Variants in HTR1F observed in about 807,000 individuals in gnomAD.
HTR1F encodes 5-hydroxytryptamine receptor 1F, also known as 5-hydroxytryptamine (serotonin) receptor 1F, G protein-coupled.
Under a neutral mutation model 24.0 loss-of-function variants are expected in HTR1F, and 17 were observed. The ratio of observed to expected loss-of-function variants is 0.71; its 90% CI spans 0.48 to 1.06. The LOEUF (loss-of-function observed/expected upper bound fraction) is 1.06. Among genes scored for constraint, HTR1F ranks in the 50% least tolerant of loss-of-function variants. HTR1F has a pLI of 0.00. For synonymous variants in HTR1F, 186 were observed against 156.8 expected (o/e 1.19, Z -1.39); for missense variants, 391 against 427.8 (o/e 0.91, Z 0.76).
At chr3:87,842,057 A>C (rs949676082) in intron 2 of HTR1F, among the ~76,000 whole-genome samples, 1 of 151,892 alleles carries the variant, frequency 6.6e-6, no homozygotes, top group Non-Finnish European at 1.5e-5. Context: ...ATTGGAAAAG[A>C]ATTTCTTCAT....
At chr3:87,990,425 A>G (rs1236864471) in intron 2 of HTR1F, among the ~76,000 whole-genome samples, 1 of 152,216 alleles carries the variant, frequency 6.6e-6, no homozygotes, top group East Asian at 1.9e-4. Context: ...CAATTCTATA[A>G]TGGCAGAGAT....
At chr3:87,968,676 G>T (rs1304789100) in intron 2 of HTR1F, among the ~76,000 whole-genome samples, 1 of 152,160 alleles carries the variant, frequency 6.6e-6, no homozygotes, top group Non-Finnish European at 1.5e-5. Context: ...CAAAGCGGTA[G>T]GAAAGAAAAA....
chr3:87,850,901 T>A (rs1705071848), intron 2 of HTR1F, among the ~76,000 whole-genome samples: 1 of 151,618 alleles, frequency 6.6e-6, no homozygotes, highest in Non-Finnish European at 1.5e-5. Context: ...ATTTTTGTTT[T>A]CTTCATCACA....
Position 87,844,993 on chromosome 3 carries a change from T to C in HTR1F, c.-43+22869T>C, listed in dbSNP as rs976931171. On this transcript the variant is annotated intron_variant, in intron 2 of 2. Transcript: ENST00000319595. ...ATGCCTCCAGCTTTGTTCTTTTGGC[T>C]TGTATAGATGCAGAAAAGGCCTTTG... Among the ~76,000 whole-genome samples the C allele has an allele frequency of 6.4e-4, 97 of 152,036 alleles. 1 individual carries two copies. The highest frequency in any genetic ancestry group is 2.2e-3 in the African/African-American group (89 of 41,326).
intron 2 of HTR1F, among the ~76,000 whole-genome samples, chr3:87,933,768 G>T (rs1704343865): frequency 6.6e-6 from 1 of 152,144 alleles, no homozygotes; most frequent in Non-Finnish European, 1.5e-5. Flanking sequence ...TTATGAAAAT[G>T]GCCATACTGC....
chr3:87,877,150 C>G (rs899621904), intron 2 of HTR1F, among the ~76,000 whole-genome samples: 1 of 151,876 alleles, frequency 6.6e-6, no homozygotes, highest in Non-Finnish European at 1.5e-5. Context: ...GAGTTGAAAT[C>G]TCTGGAAAAA....
intron 2 of HTR1F, among the ~76,000 whole-genome samples, chr3:87,842,664 T>C (rs887684100): frequency 9.9e-5 from 15 of 152,068 alleles, no homozygotes; most frequent in Non-Finnish European, 2.1e-4. Flanking sequence ...ATATGATGGC[T>C]TTACAATTTC....
intron 2 of HTR1F, among the ~76,000 whole-genome samples, chr3:87,948,507 G>T (rs1165905013): frequency 6.6e-6 from 1 of 151,322 alleles, no homozygotes; most frequent in African/African-American, 2.4e-5. Flanking sequence ...TTTAAGACAG[G>T]ACCTCACTCT....
chr3:87,935,753 G>A (rs1428246250), intron 2 of HTR1F, among the ~76,000 whole-genome samples: 2 of 151,944 alleles, frequency 1.3e-5, no homozygotes, highest in African/African-American at 4.8e-5. Flanking sequence ...ACATCTCTGT[G>A]TTAGAAGTTT....
chr3:87,912,906 A>G (rs1703811569), intron 2 of HTR1F, among the ~76,000 whole-genome samples: 1 of 152,118 alleles, frequency 6.6e-6, no homozygotes. Context: ...TTGAAATTGG[A>G]CCCCTTCCTT....
intron 2 of HTR1F, among the ~76,000 whole-genome samples, chr3:87,837,076 T>C (rs1422924615): frequency 6.6e-6 from 1 of 152,136 alleles, no homozygotes; most frequent in Non-Finnish European, 1.5e-5. Flanking sequence ...TTCCTTAACA[T>C]TGTTTGCTAG....
intron 2 of HTR1F, among the ~76,000 whole-genome samples, chr3:87,957,575 T>C (rs1245340774): frequency 6.6e-6 from 1 of 151,444 alleles, no homozygotes; most frequent in Non-Finnish European, 1.5e-5. Flanking sequence ...AAAGAAACCA[T>C]ATGGAATCAG....
chr3:87,950,882 T>C (rs1185639265), intron 2 of HTR1F, among the ~76,000 whole-genome samples: 1 of 152,170 alleles, frequency 6.6e-6, no homozygotes, highest in Non-Finnish European at 1.5e-5. Context: ...TGATAAGCCT[T>C]ATCAAAGCAG....
intron 2 of HTR1F, among the ~76,000 whole-genome samples, chr3:87,845,379 G>T (rs1000086884): frequency 6.6e-6 from 1 of 151,178 alleles, no homozygotes; most frequent in African/African-American, 2.5e-5. Context: ...AGCAACTTCA[G>T]CAAAGTCTCA....
In HTR1F at chr3:87,991,954, A is replaced by G; in HGVS notation, c.*104A>G. ...TTAAGCTTTTAGAGGGAAATACATG[A>G]AAACTGCTAAATTGATAAGGCTATA... On this transcript the variant is annotated 3_prime_UTR_variant, in exon 3 of 3. Transcript: ENST00000319595. 1 of 922,650 alleles carries G rather than the reference A, an allele frequency of 1.1e-6. No individual in the cohort carries two copies. The highest frequency in any genetic ancestry group is 2.5e-5 in the East Asian group (1 of 39,294). 57.2% of individuals were successfully genotyped at this position (922,650 alleles called of 1,614,324 possible). A position where few individuals can be genotyped will look rare whatever the true frequency, so the allele number is the denominator to read the frequency against.
chr3:87,941,806 A>ATACAAGG (rs1704575503), intron 2 of HTR1F, among the ~76,000 whole-genome samples: 1 of 152,190 alleles, frequency 6.6e-6, no homozygotes, highest in African/African-American at 2.4e-5. Context: ...GGTTAGGCAT[A>ATACAAGG]GCTGGGTATA....
At chr3:87,839,011 T>A (rs2919244) in intron 2 of HTR1F, among the ~76,000 whole-genome samples, 33,312 of 147,950 alleles carry the variant, frequency 0.23, 5,392 homozygotes, top group African/African-American at 0.47. Context: ...TTATTTATTT[T>A]ATTTTTATTT....
chr3:87,975,919 C>T (rs1705386334), intron 2 of HTR1F, among the ~76,000 whole-genome samples: 1 of 152,140 alleles, frequency 6.6e-6, no homozygotes, highest in African/African-American at 2.4e-5. Flanking sequence ...AAATCAACTG[C>T]CCAATTTCAA....
intron 2 of HTR1F, among the ~76,000 whole-genome samples, chr3:87,942,970 T>C (rs554127401): frequency 6.6e-6 from 1 of 152,224 alleles, no homozygotes; most frequent in Non-Finnish European, 1.5e-5. Context: ...AATGCCTCCC[T>C]TAGTCTCTCC....
Sources: allele counts gnomAD v4.1 joint callset (sites outside exome capture counted in the v4.1 genomes callset), GRCh38; gene constraint gnomAD v4.1.1; transcripts MANE v1.5; gene names NCBI Gene and HGNC (gene_info 2026-07-23, HGNC 2026-07-21).